Variants in DKK2 observed in about 807,000 individuals in gnomAD.
DKK2 encodes dickkopf-related protein 2.
A neutral mutation model predicts 28.1 loss-of-function variants in DKK2; 11 were observed. The ratio of observed to expected loss-of-function variants is 0.39; its 90% CI spans 0.25 to 0.65. DKK2 has a LOEUF of 0.65. DKK2 is among the 30% of genes least tolerant of loss of function. The pLI is 0.47. For missense variants in DKK2, 326 were observed against 335.5 expected (o/e 0.97, Z 0.22); for synonymous variants, 135 against 126.5 (o/e 1.07, Z -0.45).
intron 1 of DKK2, among the ~76,000 whole-genome samples, chr4:106,995,621 T>C (rs1373863131): frequency 6.6e-6 from 1 of 152,156 alleles, no homozygotes; most frequent in Non-Finnish European, 1.5e-5. Flanking sequence ...TTTATTTATT[T>C]ATTTATTTAG....
At chr4:106,999,081 T>A (rs918370542) in intron 1 of DKK2, among the ~76,000 whole-genome samples, 1 of 152,158 alleles carries the variant, frequency 6.6e-6, no homozygotes, top group Admixed American at 6.5e-5. Flanking sequence ...CCTTGTGGGA[T>A]TAAAAAATCT....
chr4:106,997,638 G>T (rs564360790), intron 1 of DKK2, among the ~76,000 whole-genome samples: 1 of 152,282 alleles, frequency 6.6e-6, no homozygotes, highest in East Asian at 1.9e-4. Context: ...GGGGAGACAG[G>T]AACATATTCA....
In DKK2 at chr4:106,925,903, C is replaced by T; in HGVS notation, c.269G>A (p.Cys90Tyr). 1 of 1,613,626 alleles carries T rather than the reference C, an allele frequency of 6.2e-7. No homozygotes were observed. Among genetic ancestry groups the T allele is most frequent in the Non-Finnish European group, 8.5e-7 (1 of 1,179,832 alleles). The change falls in exon 2 of 4, where the codon TGC becomes TAC. Residue 90 changes from cysteine to tyrosine, a missense_variant. Physicochemically the swap from Cys to Tyr is radical, Grantham distance 194. Transcript: ENST00000285311. ...SDKECEVGRYCHSPHQGSSAC... is the reference protein window; with the variant it reads ...SDKECEVGRYYHSPHQGSSAC... The stretch of plus-strand genomic sequence containing the variant: ...CGATGATCCTTGGTGGGGACTGTGG[C>T]AATACCTCCCAACTTCACACTCCTT...
intron 1 of DKK2, among the ~76,000 whole-genome samples, chr4:106,939,480 C>T (rs1272013040): frequency 1.3e-5 from 2 of 152,192 alleles, no homozygotes; most frequent in African/African-American, 2.4e-5. Flanking sequence ...AATGGAAGAA[C>T]ATTCCATGCT....
chr4:107,027,131 T>C (rs1578383578), intron 1 of DKK2, among the ~76,000 whole-genome samples: 1 of 152,106 alleles, frequency 6.6e-6, no homozygotes, highest in Non-Finnish European at 1.5e-5. Context: ...GTACAGAGCA[T>C]GGTTAATGGG....
intron 1 of DKK2, among the ~76,000 whole-genome samples, chr4:107,017,644 A>G (rs1472777743): frequency 1.3e-5 from 2 of 152,006 alleles, no homozygotes; most frequent in African/African-American, 4.8e-5. Flanking sequence ...TTCTTGAAAA[A>G]AAAAACTTCA....
At chr4:106,980,793 A>G (rs1578366355) in intron 1 of DKK2, among the ~76,000 whole-genome samples, 1 of 152,322 alleles carries the variant, frequency 6.6e-6, no homozygotes, top group African/African-American at 2.4e-5. Flanking sequence ...ATAATAACTA[A>G]GTGCTACATG....
intron 1 of DKK2, among the ~76,000 whole-genome samples, chr4:106,996,727 A>C (rs1223608371): frequency 6.6e-6 from 1 of 152,222 alleles, no homozygotes; most frequent in African/African-American, 2.4e-5. Context: ...CAGGAATACA[A>C]CCAGTAGATT....
intron 1 of DKK2, among the ~76,000 whole-genome samples, chr4:106,955,478 C>T (rs1397991755): frequency 6.6e-6 from 1 of 152,136 alleles, no homozygotes; most frequent in Non-Finnish European, 1.5e-5. Context: ...TGGCTAATTG[C>T]TTTCCCCCTA....
intron 1 of DKK2, among the ~76,000 whole-genome samples, chr4:106,937,000 C>T (rs958246251): frequency 9.2e-5 from 14 of 152,064 alleles, no homozygotes; most frequent in Admixed American, 2.0e-4. Flanking sequence ...AGGTACCAGC[C>T]GCTGCAAAAT....
chr4:106,948,648 G>A (rs973267970), intron 1 of DKK2, among the ~76,000 whole-genome samples: 2 of 152,116 alleles, frequency 1.3e-5, no homozygotes, highest in Non-Finnish European at 2.9e-5. Flanking sequence ...ATCTCTTATA[G>A]TACATCTGAG....
At chr4:107,002,632 T>C (rs908710302) in intron 1 of DKK2, among the ~76,000 whole-genome samples, 5 of 152,200 alleles carry the variant, frequency 3.3e-5, no homozygotes, top group Non-Finnish European at 7.4e-5. Flanking sequence ...TGAACAAATG[T>C]TGAGTCAAAA....
At chr4:106,979,080 T>TTG (rs897911100) in intron 1 of DKK2, among the ~76,000 whole-genome samples, 1 of 151,632 alleles carries the variant, frequency 6.6e-6, no homozygotes, top group Non-Finnish European at 1.5e-5. Context: ...TGTTTTTGTT[T>TTG]TTTTTTCAGA....
chr4:106,965,935 T>C (rs886478623), intron 1 of DKK2, among the ~76,000 whole-genome samples: 1 of 151,476 alleles, frequency 6.6e-6, no homozygotes. Context: ...TCATCATTTT[T>C]TATGGCTGCA....
In DKK2 at chr4:106,932,584, G is replaced by T. The variant is rs138328300; in HGVS notation, c.223-6635C>A. ...ACCTGGCTCTTGATTGTTTTTGTTT[G>T]TTTTAGACCCATCCCCACTCATTTA... On this transcript the variant is annotated intron_variant, in intron 1 of 3. Coordinates refer to ENST00000285311, the MANE Select transcript of DKK2 (RefSeq NM_014421.3). Among the ~76,000 whole-genome samples, 1,297 of 152,130 alleles carry T rather than the reference G, an allele frequency of 8.5e-3. 19 individuals carry two copies. The highest frequency in any genetic ancestry group is 0.03 in the African/African-American group (1,236 of 41,470).
At chr4:107,003,956 T>C (rs572342491) in intron 1 of DKK2, among the ~76,000 whole-genome samples, 3 of 152,338 alleles carry the variant, frequency 2.0e-5, no homozygotes, top group African/African-American at 7.2e-5. Context: ...ATATTCCGTG[T>C]TTGTTTCATT....
At chr4:106,969,636 G>A (rs1346831283) in intron 1 of DKK2, among the ~76,000 whole-genome samples, 1 of 151,710 alleles carries the variant, frequency 6.6e-6, no homozygotes, top group African/African-American at 2.4e-5. Flanking sequence ...AACTTTGAAA[G>A]CTTTTGATAT....
At chr4:106,998,576 ACT>A (rs923979497) in intron 1 of DKK2, among the ~76,000 whole-genome samples, 7 of 152,138 alleles carry the variant, frequency 4.6e-5, no homozygotes, top group African/African-American at 1.7e-4. Flanking sequence ...TGTAAATGAA[ACT>A]CTTCACTGCT....
intron 1 of DKK2, among the ~76,000 whole-genome samples, chr4:106,933,137 AC>A (rs1724526560): frequency 1.3e-5 from 2 of 152,186 alleles, no homozygotes; most frequent in Admixed American, 1.3e-4. Flanking sequence ...AGGAATCTGT[AC>A]TTTTAACAAA....
Sources: allele counts gnomAD v4.1 joint callset (sites outside exome capture counted in the v4.1 genomes callset), GRCh38; gene constraint gnomAD v4.1.1; transcripts MANE v1.5; gene names NCBI Gene and HGNC (gene_info 2026-07-23, HGNC 2026-07-21).